Variants in ANKS1B observed in about 807,000 individuals in gnomAD.
ANKS1B encodes ankyrin repeat and sterile alpha motif domain-containing protein 1B.
In ANKS1B, 36 loss-of-function variants were observed where a neutral mutation model predicts 148.3. The ratio of observed to expected loss-of-function variants is 0.24; its 90% CI spans 0.19 to 0.32. The LOEUF is 0.32. ANKS1B is among the 10% of genes least tolerant of loss of function. The pLI, the probability that ANKS1B is intolerant of heterozygous loss-of-function variation, is 1.00. For synonymous variants in ANKS1B, 542 were observed against 560.8 expected, an observed-to-expected ratio of 0.97 and a Z score of 0.47; for missense variants, 1,157 against 1,542.6, an observed-to-expected ratio of 0.75 and a Z score of 4.19.
chr12:99,668,367 T>A (rs1297195599), intron 8 of ANKS1B, among the ~76,000 whole-genome samples: 1 of 152,062 alleles, frequency 6.6e-6, no homozygotes, highest in Non-Finnish European at 1.5e-5. Context: ...TCTATTTTAC[T>A]GATATTGATT....
chr12:99,188,907 G>A (rs567957786), intron 14 of ANKS1B, among the ~76,000 whole-genome samples: 32 of 152,262 alleles, frequency 2.1e-4, no homozygotes, highest in Non-Finnish European at 4.4e-4. Context: ...GAATCCAGGA[G>A]CTGGTTTTCT....
intron 8 of ANKS1B, among the ~76,000 whole-genome samples, chr12:99,739,378 TA>T (rs201318107): frequency 6.9e-5 from 8 of 115,920 alleles, no homozygotes; most frequent in South Asian, 3.8e-4. Context: ...TACTCAAAGC[TA>T]AAAAAAAACT....
intron 22 of ANKS1B, among the ~76,000 whole-genome samples, chr12:98,792,592 C>G (rs1244313616): frequency 1.3e-5 from 2 of 152,154 alleles, no homozygotes; most frequent in Non-Finnish European, 2.9e-5. Context: ...CAACGTCTCC[C>G]TATTCCCCTC....
intron 14 of ANKS1B, among the ~76,000 whole-genome samples, chr12:99,182,504 T>C (rs888791096): frequency 5.3e-5 from 8 of 152,242 alleles, no homozygotes; most frequent in Non-Finnish European, 1.0e-4. Context: ...TCTCATTCTT[T>C]TTATGGCTGA....
At chr12:99,627,959 G>A (rs553214243) in intron 9 of ANKS1B, among the ~76,000 whole-genome samples, 1 of 152,072 alleles carries the variant, frequency 6.6e-6, no homozygotes, top group African/African-American at 2.4e-5. Context: ...CACAAAGAAC[G>A]TACAGTCATG....
intron 3 of ANKS1B, among the ~76,000 whole-genome samples, chr12:99,809,663 A>G (rs2068083853): frequency 6.6e-6 from 1 of 152,080 alleles, no homozygotes; most frequent in South Asian, 2.1e-4. Context: ...TATAAACCTT[A>G]TAATATAGTT....
chr12:99,640,273 T>A (rs1204095520), intron 9 of ANKS1B, among the ~76,000 whole-genome samples: 1 of 152,170 alleles, frequency 6.6e-6, no homozygotes, highest in African/African-American at 2.4e-5. Context: ...CCGTACTTCA[T>A]CCTCCTTGTA....
chr12:98,766,374 C>A (rs2098480737), intron 25 of ANKS1B, among the ~76,000 whole-genome samples: 1 of 152,218 alleles, frequency 6.6e-6, no homozygotes, highest in Admixed American at 6.5e-5. Context: ...CTGCGTCCTT[C>A]CTGCAGCTGA....
At chr12:99,134,500 A>T (rs2067203451) in intron 15 of ANKS1B, among the ~76,000 whole-genome samples, 1 of 152,020 alleles carries the variant, frequency 6.6e-6, no homozygotes, top group Non-Finnish European at 1.5e-5. Flanking sequence ...GAGATAGAGA[A>T]GTGAGTAGAA....
rs2099831755 is a variant in ANKS1B at position 98,939,473 on chromosome 12, T to G, written c.2779-107337A>C. On this transcript the variant is annotated intron_variant, in intron 17 of 26. Transcript: ENST00000683438. ...TTAATTTTTTTAAGAGAATAAATAT[T>G]TCCAAGCACTTAAGTGCCATGTGTT... Among the ~76,000 whole-genome samples, 4 of 152,226 alleles carry G rather than the reference T, an allele frequency of 2.6e-5. No individual in the cohort carries two copies. The South Asian group carries it at 8.3e-4, about 32-fold the overall frequency.
At chr12:99,494,337 AGTC>A (rs943477705) in intron 10 of ANKS1B, among the ~76,000 whole-genome samples, 4 of 152,188 alleles carry the variant, frequency 2.6e-5, no homozygotes, top group African/African-American at 9.6e-5. Context: ...ACACTAGCTG[AGTC>A]GTCAGGTGGG....
rs2086848561 is a variant in ANKS1B at position 99,328,206 on chromosome 12, T to C, written c.1756+71425A>G. ...AAGTTGAGTCCTATATTTGCCCCAGTTTATTGCCTTGAGAGAGTCTCTAGG... is the reference window on the plus strand; with the variant it reads ...AAGTTGAGTCCTATATTTGCCCCAGCTTATTGCCTTGAGAGAGTCTCTAGG... On this transcript the variant is annotated intron_variant, in intron 12 of 26. Coordinates refer to ENST00000683438, the MANE Select transcript of ANKS1B (RefSeq NM_001352186.2). Among the ~76,000 whole-genome samples the C allele has an allele frequency of 2.6e-5, 4 of 152,000 alleles. No individual in the cohort carries two copies. In the South Asian group the frequency reaches 8.3e-4, roughly 32 times the overall value.
chr12:98,742,631 G>T (rs567637473), downstream of ANKS1B, among the ~76,000 whole-genome samples: 1 of 152,324 alleles, frequency 6.6e-6, no homozygotes, highest in East Asian at 1.9e-4. Context: ...GGGTTATTTC[G>T]ACCACAAAAT....
At chr12:99,223,367 T>C (rs940324536) in intron 14 of ANKS1B, among the ~76,000 whole-genome samples, 1 of 152,132 alleles carries the variant, frequency 6.6e-6, no homozygotes, top group Non-Finnish European at 1.5e-5. Context: ...TTATTTCTAT[T>C]ATTATTACAT....
At chr12:98,736,979 A>G (rs1178593947) in intron 9 of ANKS1B, among the ~76,000 whole-genome samples, 1 of 152,216 alleles carries the variant, frequency 6.6e-6, no homozygotes, top group African/African-American at 2.4e-5. Context: ...AGAAAACAGG[A>G]CAGTATCAGC....
At chr12:98,796,165 A>G (rs2098947459) in intron 22 of ANKS1B, among the ~76,000 whole-genome samples, 1 of 152,194 alleles carries the variant, frequency 6.6e-6, no homozygotes, top group Non-Finnish European at 1.5e-5. Flanking sequence ...GATTTTAGTC[A>G]TCTTTGTTAA....
At position 99,984,370 on chromosome 12, in the gene ANKS1B, C is replaced by T; in HGVS notation, c.-133G>A. 1.4e-6 allele frequency: 1 copy of T among 723,614 alleles called. No homozygotes were observed. The highest frequency in any genetic ancestry group is 3.0e-5 in the East Asian group (1 of 33,558). The allele number at this position is 723,614 out of a possible 1,614,324, so 44.8% of individuals were successfully genotyped here. On this transcript the variant is annotated 5_prime_UTR_variant, in exon 1 of 27. Coordinates refer to ENST00000683438, the MANE Select transcript of ANKS1B (RefSeq NM_001352186.2). ...TGCAAGAGCTTCAGCACGGAGAGCT[C>T]CCTGCAGCCCCAGGCAGGGAGCACG... is the stretch of plus-strand genomic sequence containing the variant.
chr12:99,129,453 A>G (rs2065430307), intron 15 of ANKS1B, among the ~76,000 whole-genome samples: 3 of 152,252 alleles, frequency 2.0e-5, no homozygotes, highest in Non-Finnish European at 4.4e-5. Context: ...CCACAAGACT[A>G]GATCAGCAGC....
chr12:98,894,918 G>T, intron 17 of ANKS1B: 1 of 931,624 alleles, frequency 1.1e-6, no homozygotes, highest in Non-Finnish European at 1.3e-6. Context: ...CCCGCGCGGC[G>T]CGTGCCCCCC....
Sources: gnomAD v4.1 joint callset for allele counts (sites outside exome capture counted in the v4.1 genomes callset) on GRCh38, gnomAD v4.1.1 for gene constraint, MANE v1.5 for transcripts, NCBI Gene and HGNC (gene_info 2026-07-23, HGNC 2026-07-21) for gene names.